The following MAP3K7CL variants were observed in gnomAD, a reference collection of about 807,000 sequenced individuals.
MAP3K7CL encodes MAP3K7 C-terminal like.
Under a neutral mutation model 18.6 loss-of-function variants are expected in MAP3K7CL, and 16 were observed. That is an observed-to-expected ratio of 0.86 (90% CI 0.58 to 1.31). The LOEUF (loss-of-function observed/expected upper bound fraction) is 1.31, where lower values mean the gene tolerates loss of function less well. MAP3K7CL is among the 50% of genes most tolerant of loss of function. MAP3K7CL has a pLI of 0.00. For synonymous variants in MAP3K7CL, 65 were observed against 66.8 expected (o/e 0.97, Z 0.13); for missense variants, 163 against 174.4 (o/e 0.93, Z 0.37).
At chr21:29,121,082 A>G (rs1161843093) in intron 4 of MAP3K7CL, among the ~76,000 whole-genome samples, 1 of 147,860 alleles carries the variant, frequency 6.8e-6, no homozygotes, top group Non-Finnish European at 1.5e-5. Context: ...TATATATGAG[A>G]AATAATGCCT....
chr21:29,133,427 C>G lies in MAP3K7CL; in HGVS notation c.70+13C>G, dbSNP rs1362474517. On this transcript the variant is annotated intron_variant, in intron 2 of 4. Transcript: ENST00000399928. ...AATGACGCCTCAGGTATACTCTGCT[C>G]TGGAAGAAGGATTGTTTCCTTCATA... 144 of 1,518,798 alleles carry G rather than the reference C, an allele frequency of 9.5e-5. No homozygotes were observed. The highest frequency in any genetic ancestry group is 1.2e-4 in the Non-Finnish European group (137 of 1,124,552). 94.1% of individuals were successfully genotyped at this position (1,518,798 alleles called of 1,614,324 possible). A position where few individuals can be genotyped will look rare whatever the true frequency, so the allele number is the denominator to read the frequency against.
rs143706048 is a variant in MAP3K7CL at position 29,117,866 on chromosome 21, C to T, written c.370+25285C>T. ...GTAAAATTGAGGGTTGTGTTGGTAA[C>T]TACCTTCCACAGGAAGAAGAGATTA... On this transcript the variant is annotated intron_variant, in intron 4 of 6. Transcript: ENST00000286791. Among the ~76,000 whole-genome samples, 803 of 134,364 alleles carry T rather than the reference C, an allele frequency of 6.0e-3. 7 individuals carry two copies. Among genetic ancestry groups the T allele is most frequent in the African/African-American group, 0.02 (766 of 37,768 alleles). The allele number at this position is 134,364 out of a possible 152,430, so 88.1% of individuals were successfully genotyped here. A position where few individuals can be genotyped will look rare whatever the true frequency, so the allele number is the denominator to read the frequency against.
chr21:29,164,185 T>C (rs1179375415), intron 4 of MAP3K7CL, among the ~76,000 whole-genome samples: 1 of 152,168 alleles, frequency 6.6e-6, no homozygotes, highest in East Asian at 1.9e-4. Context: ...AGCTTGGTTT[T>C]CCAAGGATTG....
At chr21:29,157,912 A>C (rs1999321) in intron 3 of MAP3K7CL, among the ~76,000 whole-genome samples, 85,411 of 152,052 alleles carry the variant, frequency 0.56, 24,333 homozygotes, top group African/African-American at 0.65. Context: ...TCTCTATGTT[A>C]TCTTAAAGTT....
chr21:29,144,607 G>A (rs957856710), intron 2 of MAP3K7CL, among the ~76,000 whole-genome samples: 4 of 152,214 alleles, frequency 2.6e-5, no homozygotes, highest in African/African-American at 9.7e-5. Context: ...GCCACGAATC[G>A]TGGAGTCTTG....
At position 29,174,870 on chromosome 21, in the gene MAP3K7CL, A is replaced by T; in HGVS notation, c.407A>T (p.Gln136Leu). Residue 136 changes from glutamine to leucine, a missense_variant, in exon 5 of 5, where the codon CAG becomes CTG. By Grantham distance (113) the Gln-to-Leu change is moderately radical. Transcript: ENST00000399928. ...CTGGAGAAACTTCGAATACAGTATC[A>T]GAAGAGGCAGGGCTCGTCCTAACTT... ...EQLEKLRIQY[Q>L]KRQGSS 2 of 1,614,118 alleles carry T rather than the reference A, an allele frequency of 1.2e-6. No homozygotes were observed. The highest frequency in any genetic ancestry group is 1.7e-6 in the Non-Finnish European group (2 of 1,180,000).
At position 29,174,811 on chromosome 21, in the gene MAP3K7CL, G is replaced by T. The variant is rs143395819; in HGVS notation, c.348G>T (p.Thr116=). The T allele has an allele frequency of 6.2e-7, 1 of 1,614,022 alleles. No individual in the cohort carries two copies. Among genetic ancestry groups the T allele is most frequent in the Non-Finnish European group, 8.5e-7 (1 of 1,180,024 alleles). Residue 116 remains threonine, a synonymous_variant, in exon 5 of 5, where the codon ACG becomes ACT. Transcript: ENST00000399928. The part of the protein sequence containing the change: ...EFEALTEENR[T]LRLAQSQCVE... The stretch of plus-strand genomic sequence containing the variant: ...AGGCTCTGACGGAGGAGAATCGGAC[G>T]TTGAGGTTGGCCCAGTCTCAATGTG...
intron 2 of MAP3K7CL, among the ~76,000 whole-genome samples, chr21:29,134,541 G>T (rs1277078680): frequency 1.3e-5 from 2 of 152,166 alleles, no homozygotes; most frequent in Non-Finnish European, 2.9e-5. Flanking sequence ...AGCAGGAAGA[G>T]GTGAAGGCTT....
intron 4 of MAP3K7CL, among the ~76,000 whole-genome samples, chr21:29,100,805 T>G (rs982578815): frequency 2.1e-5 from 3 of 140,140 alleles, no homozygotes; most frequent in Non-Finnish European, 4.6e-5. Flanking sequence ...CTCCACCTCC[T>G]GGGTTCCCAC....
chr21:29,082,275 G>A (rs1472713657), upstream of MAP3K7CL, among the ~76,000 whole-genome samples: 1 of 152,150 alleles, frequency 6.6e-6, no homozygotes, highest in African/African-American at 2.4e-5. Context: ...CGATTGTTGT[G>A]TAACAAACCA....
rs143178868 is a variant in MAP3K7CL, at chr21:29,096,662, C to T, written c.370+4081C>T. Among the ~76,000 whole-genome samples the T allele has an allele frequency of 3.7e-3, 556 of 152,298 alleles. 1 individual carries two copies. Among genetic ancestry groups the T allele is most frequent in the Middle Eastern group, 0.024 (7 of 294 alleles). On this transcript the variant is annotated intron_variant, in intron 4 of 6. Coordinates refer to the MAP3K7CL transcript ENST00000286791. ...GAGTTTGGAGAGGCACTATATTCAA[C>T]AGGACACATTTGATTACAGGTGCCA...
rs184732172 is a variant in MAP3K7CL, at chr21:29,136,740, C to A, written c.70+3326C>A. ...TTCACCTTGTTGGCCAGGCTGGTCT[C>A]GAACTCCTGACCTCAAGCAATCGGC... On this transcript the variant is annotated intron_variant, in intron 2 of 4. Coordinates refer to ENST00000399928, the MANE Select transcript of MAP3K7CL (RefSeq NM_001286620.2). Among the ~76,000 whole-genome samples the A allele has an allele frequency of 4.1e-3, 630 of 152,202 alleles. 2 individuals carry two copies. Among genetic ancestry groups the A allele is most frequent in the African/African-American group, 0.014 (592 of 41,526 alleles).
rs748166183 is a variant in MAP3K7CL at position 29,089,168 on chromosome 21, CAAAAAAAAA to C, written c.58-2308_58-2300del. ...CTGGTGACAGAGCGAGACTCCGTCTCAAAAAAAAAAAAAAAAAAAAAAAAAAAAAAAAAG... is the reference window on the plus strand; with the variant it reads ...CTGGTGACAGAGCGAGACTCCGTCTCAAAAAAAAAAAAAAAAAAAAAAAAG... On this transcript the variant is annotated intron_variant, in intron 1 of 6. Coordinates refer to the MAP3K7CL transcript ENST00000286791. Among the ~76,000 whole-genome samples, 13 of 68,526 alleles carry C rather than the reference CAAAAAAAAA, an allele frequency of 1.9e-4. No homozygotes were observed. The East Asian group carries it at 4.1e-3, about 22-fold the overall frequency. The allele number at this position is 68,526 out of a possible 152,430, so 45.0% of individuals were successfully genotyped here. A position where few individuals can be genotyped will look rare whatever the true frequency, so the allele number is the denominator to read the frequency against.
intron 4 of MAP3K7CL, among the ~76,000 whole-genome samples, chr21:29,108,631 A>G (rs1473316917): frequency 3.9e-5 from 6 of 152,216 alleles, no homozygotes; most frequent in Admixed American, 2.0e-4. Flanking sequence ...GCATCTGGGT[A>G]TGTTTGGACA....
intron 1 of MAP3K7CL, among the ~76,000 whole-genome samples, chr21:29,088,023 A>G (rs990745193): frequency 6.6e-6 from 1 of 152,214 alleles, no homozygotes; most frequent in African/African-American, 2.4e-5. Flanking sequence ...TTGTATTTTA[A>G]TCTACTCACT....
At chr21:29,078,371 G>T (rs750913073) in intron 1 of MAP3K7CL, among the ~76,000 whole-genome samples, 3 of 151,624 alleles carry the variant, frequency 2.0e-5, no homozygotes, top group African/African-American at 4.9e-5. Flanking sequence ...ATTTATTTGG[G>T]CTTAAGAGGG....
At chr21:29,137,463 A>C (rs2086910584) in intron 2 of MAP3K7CL, among the ~76,000 whole-genome samples, 7 of 152,200 alleles carry the variant, frequency 4.6e-5, no homozygotes, top group Admixed American at 4.6e-4. Flanking sequence ...AAGAGGTGAT[A>C]GTCAAACTGG....
At chr21:29,103,998 A>G (rs1444863975) in intron 4 of MAP3K7CL, among the ~76,000 whole-genome samples, 1 of 152,102 alleles carries the variant, frequency 6.6e-6, no homozygotes, top group Non-Finnish European at 1.5e-5. Flanking sequence ...GATACCTAAT[A>G]TGGAGGAAAC....
intron 1 of MAP3K7CL, among the ~76,000 whole-genome samples, chr21:29,131,812 T>A (rs1333926588): frequency 2.7e-5 from 4 of 150,610 alleles, no homozygotes; most frequent in Admixed American, 2.6e-4. Flanking sequence ...TGTCTAAATA[T>A]ACATGTATAT....
Sources: gnomAD v4.1 joint callset for allele counts (sites outside exome capture counted in the v4.1 genomes callset) on GRCh38, gnomAD v4.1.1 for gene constraint, MANE v1.5 for transcripts, NCBI Gene and HGNC (gene_info 2026-07-23, HGNC 2026-07-21) for gene names.